The following THADA variants were observed in gnomAD, a reference collection of about 807,000 sequenced individuals.
THADA encodes THADA armadillo repeat containing, also known as tRNA (32-2'-O)-methyltransferase regulator THADA.
In THADA, 213 loss-of-function variants were observed where a neutral mutation model predicts 219.8. That is an observed-to-expected ratio of 0.97 (90% CI 0.87 to 1.09). The LOEUF is 1.09. THADA is among the 50% of genes least tolerant of loss of function. The pLI, the probability that THADA is intolerant of heterozygous loss-of-function variation, is 0.00. For synonymous variants in THADA, 1,018 were observed against 828.9 expected, an observed-to-expected ratio of 1.23 and a Z score of -3.92; for missense variants, 2,956 against 2,311.3, an observed-to-expected ratio of 1.28 and a Z score of -5.72.
intron 21 of THADA, among the ~76,000 whole-genome samples, chr2:43,529,970 C>T (rs1224332884): frequency 1.3e-5 from 2 of 152,044 alleles, no homozygotes; most frequent in Non-Finnish European, 2.9e-5. Flanking sequence ...AGGCCCAGAA[C>T]CTATAATCCA....
At chr2:43,589,226 T>A (rs1701302890) in intron 4 of THADA, among the ~76,000 whole-genome samples, 1 of 152,198 alleles carries the variant, frequency 6.6e-6, no homozygotes, top group Middle Eastern at 3.4e-3. Context: ...GCAACCCAAA[T>A]GTCCATTGAA....
intron 30 of THADA, among the ~76,000 whole-genome samples, chr2:43,336,556 G>A (rs1666460987): frequency 6.6e-6 from 1 of 152,002 alleles, no homozygotes; most frequent in Admixed American, 6.6e-5. Context: ...ACAAGTATGA[G>A]CCACTGCACT....
chr2:43,538,846 C>A (rs1233280725), intron 21 of THADA, among the ~76,000 whole-genome samples: 1 of 152,120 alleles, frequency 6.6e-6, no homozygotes, highest in Non-Finnish European at 1.5e-5. Flanking sequence ...TATAAACAAG[C>A]CCCATTTCTT....
rs375611743 is a variant in THADA, at chr2:43,560,288, T to G, written c.2409A>C (p.Lys803Asn). 11 of 1,612,596 alleles carry G rather than the reference T, an allele frequency of 6.8e-6. No individual in the cohort carries two copies. Among genetic ancestry groups the G allele is most frequent in the Admixed American group, 6.7e-5 (4 of 59,860 alleles). Residue 803 changes from lysine (K) to asparagine (N), a missense_variant, in exon 16 of 38, where the codon AAA (lysine) becomes AAC (asparagine). Transcript: ENST00000405975. ...ECFTSTFEDV[K>N]ILAFDLLMKL... is the part of the protein sequence containing the mutation. ...TCATCAGAAGATCAAATGCTAAAATTTTCACGTCTTCAAAAGTGCTGGTAA... is the reference window on the plus strand; with the variant it reads ...TCATCAGAAGATCAAATGCTAAAATGTTCACGTCTTCAAAAGTGCTGGTAA...
intron 26 of THADA, chr2:43,484,421 C>T (rs1415006860): frequency 5.9e-6 from 1 of 169,022 alleles, no homozygotes; most frequent in Non-Finnish European, 1.5e-5. Context: ...ACTCTAGATC[C>T]TCAAGAGAAA....
chr2:43,528,517 T>C lies in THADA; in HGVS notation c.3265-529A>G, dbSNP rs948969252. ...TACGATCATTATCTCTACTTCACAA[T>C]TGGAAAACTGAGGCCAAGAAAGGCT... On this transcript the variant is annotated intron_variant, in intron 21 of 37. Transcript: ENST00000405975. 5.9e-5 allele frequency among the ~76,000 whole-genome samples: 9 copies of C among 152,094 alleles called. 1 individual carries two copies. The highest frequency in any genetic ancestry group is 5.2e-4 in the Admixed American group (8 of 15,270).
At chr2:43,373,945 G>A (rs181851302) in intron 29 of THADA, among the ~76,000 whole-genome samples, 3 of 152,280 alleles carry the variant, frequency 2.0e-5, no homozygotes, top group Non-Finnish European at 2.9e-5. Flanking sequence ...TTGCCTGAGA[G>A]TGATTTTACC....
At chr2:43,433,249 G>T (rs1217746217) in intron 26 of THADA, among the ~76,000 whole-genome samples, 1 of 152,098 alleles carries the variant, frequency 6.6e-6, no homozygotes, top group African/African-American at 2.4e-5. Flanking sequence ...GAGATGTGCT[G>T]CTGGGTGTGG....
intron 22 of THADA, among the ~76,000 whole-genome samples, chr2:43,526,756 C>T (rs1431756348): frequency 1.3e-5 from 2 of 152,182 alleles, no homozygotes; most frequent in Admixed American, 6.5e-5. Context: ...TTCATCTCTA[C>T]TTATTTCTCA....
intron 29 of THADA, chr2:43,371,926 C>G (rs1020060311): frequency 3.0e-4 from 46 of 152,248 alleles, no homozygotes; most frequent in African/African-American, 1.1e-3. Context: ...CTCCCCAAGT[C>G]AGTGATGGAT....
chr2:43,513,607 AT>A (rs1690783542), intron 22 of THADA, among the ~76,000 whole-genome samples: 1 of 152,180 alleles, frequency 6.6e-6, no homozygotes, highest in Admixed American at 6.5e-5. Context: ...GATCTATGAT[AT>A]CCCCAATTTC....
chr2:43,561,872 T>C (rs923107019), intron 15 of THADA, among the ~76,000 whole-genome samples: 3 of 152,236 alleles, frequency 2.0e-5, no homozygotes, highest in African/African-American at 7.2e-5. Flanking sequence ...AGTGTGATGT[T>C]ACCTGTGGTT....
intron 21 of THADA, among the ~76,000 whole-genome samples, chr2:43,528,332 G>C (rs1426653584): frequency 1.3e-5 from 2 of 152,054 alleles, no homozygotes; most frequent in South Asian, 2.1e-4. Flanking sequence ...GTTTCACCAT[G>C]TTGGCCAGGC....
intron 32 of THADA, 71 bp downstream of exon 32, chr2:43,292,763 C>T: frequency 6.5e-7 from 1 of 1,544,600 alleles, no homozygotes; most frequent in South Asian, 1.2e-5. Context: ...CCTTCATGAT[C>T]CTACCATTCC....
intron 10 of THADA, among the ~76,000 whole-genome samples, chr2:43,575,624 C>T (rs1463966060): frequency 6.6e-6 from 1 of 152,106 alleles, no homozygotes; most frequent in Non-Finnish European, 1.5e-5. Flanking sequence ...GCAACCCCTG[C>T]CTCCCAGGTT....
chr2:43,282,635 G>A (rs1028415669), intron 35 of THADA, among the ~76,000 whole-genome samples: 1 of 152,206 alleles, frequency 6.6e-6, no homozygotes, highest in Non-Finnish European at 1.5e-5. Context: ...AACATGGCAG[G>A]AGAGGGCAGG....
chr2:43,568,579 C>G (rs1372306653), intron 14 of THADA, among the ~76,000 whole-genome samples: 2 of 152,190 alleles, frequency 1.3e-5, no homozygotes, highest in African/African-American at 4.8e-5. Flanking sequence ...CATGAAAATT[C>G]ACAATCTCAA....
chr2:43,549,094 T>G, intron 20 of THADA, 116 bp downstream of exon 20: 1 of 974,970 alleles, frequency 1.0e-6, no homozygotes, highest in Middle Eastern at 3.4e-4. Flanking sequence ...AAACTTTATT[T>G]TCTAGAAATG....
rs1443526351 is a variant in THADA at position 43,549,250 on chromosome 2, A to G, written c.3066T>C (p.Asn1022=). 2 of 1,591,204 alleles carry G rather than the reference A, an allele frequency of 1.3e-6. No homozygotes were observed. Among genetic ancestry groups the G allele is most frequent in the East Asian group, 2.2e-5 (1 of 44,804 alleles). Residue 1022 remains asparagine, a synonymous_variant, in exon 20 of 38, where the codon AAT becomes AAC. Coordinates refer to ENST00000405975, the MANE Select transcript of THADA (RefSeq NM_022065.5). ...EHDSFDMKDL[N]ASVVNIDTST... is the part of the protein sequence containing the mutation. ...AAGTATCAATATTCACCACACTAGC[A>G]TTCAAGTCCTTCATATCAAAGCTAT...
Sources: gnomAD v4.1 joint callset for allele counts (sites outside exome capture counted in the v4.1 genomes callset) on GRCh38, gnomAD v4.1.1 for gene constraint, MANE v1.5 for transcripts, NCBI Gene and HGNC (gene_info 2026-07-23, HGNC 2026-07-21) for gene names.